Variants in PRAG1 observed in about 807,000 individuals in gnomAD.
The protein encoded by PRAG1 is PEAK1 related, kinase-activating pseudokinase 1, also known as inactive tyrosine-protein kinase PRAG1.
In PRAG1, 110 loss-of-function variants were observed where a neutral mutation model predicts 95.6. That is an observed-to-expected ratio of 1.15 (90% CI 0.99 to 1.35). PRAG1 has a LOEUF of 1.35. Ranked by LOEUF, PRAG1 falls within the 40% of genes most tolerant of loss-of-function variation. The pLI is 0.00. For missense variants in PRAG1, 2,554 were observed against 1,864.7 expected, an observed-to-expected ratio of 1.37 and a Z score of -6.81; for synonymous variants, 1,052 against 819.4, an observed-to-expected ratio of 1.28 and a Z score of -4.85.
intron 4 of PRAG1, among the ~76,000 whole-genome samples, chr8:8,331,632 C>A (rs1193763983): frequency 2.0e-5 from 3 of 152,134 alleles, no homozygotes; most frequent in Admixed American, 2.0e-4. Context: ...TGTGAGGAGA[C>A]CAGGGATCTT....
intron 3 of PRAG1, among the ~76,000 whole-genome samples, chr8:8,353,051 A>T (rs1799574873): frequency 6.6e-6 from 1 of 152,266 alleles, no homozygotes; most frequent in African/African-American, 2.4e-5. Context: ...CAAACATTAA[A>T]GTATCTAAAT....
chr8:8,336,468 G>A (rs935091821), intron 4 of PRAG1, among the ~76,000 whole-genome samples: 3 of 152,142 alleles, frequency 2.0e-5, no homozygotes, highest in African/African-American at 7.2e-5. Context: ...CAACTGCTTC[G>A]ACAAATTTTC....
intron 3 of PRAG1, among the ~76,000 whole-genome samples, chr8:8,374,198 A>T (rs895296671): frequency 6.6e-6 from 1 of 152,228 alleles, no homozygotes; most frequent in African/African-American, 2.4e-5. Flanking sequence ...TTTAGAGAAG[A>T]GACTCCAGAC....
intron 3 of PRAG1, among the ~76,000 whole-genome samples, chr8:8,353,199 G>C (rs1225773095): frequency 1.3e-5 from 2 of 152,152 alleles, no homozygotes; most frequent in Non-Finnish European, 2.9e-5. Flanking sequence ...CTGGAATTAA[G>C]CTTTAGACCA....
Position 8,318,169 on chromosome 8 carries a change from G to C in PRAG1, c.4206C>G (p.Leu1402=). The change falls in exon 6 of 6, where the codon CTC becomes CTG. Residue 1402 remains leucine, a synonymous_variant. Transcript: ENST00000615670. The surrounding 1 kb of genome is among the most constrained non-coding windows in gnomAD (Gnocchi z 4.2). ...GGGGCTTGGCTCACAGAAGCTGCAG[G>C]AGCTTCAGCGACTGTAAGAGGGCCC... is the stretch of plus-strand genomic sequence containing the variant. The part of the protein sequence containing the change: ...EPGALLQSLK[L]LQLL 6.2e-7 allele frequency: 1 copy of C among 1,613,176 alleles called. No homozygotes were observed. The highest frequency in any genetic ancestry group is 8.5e-7 in the Non-Finnish European group (1 of 1,179,568).
At chr8:8,375,443 G>A (rs1301298357) in intron 3 of PRAG1, among the ~76,000 whole-genome samples, 2 of 151,904 alleles carry the variant, frequency 1.3e-5, no homozygotes, top group Non-Finnish European at 2.9e-5. Flanking sequence ...ATCGTGATCC[G>A]CCCGCCTCGG....
Position 8,377,759 on chromosome 8 carries a change from G to C in PRAG1, c.650C>G (p.Thr217Ser), listed in dbSNP as rs1800473095. 2 of 1,614,150 alleles carry C rather than the reference G, an allele frequency of 1.2e-6. No individual in the cohort carries two copies. Among genetic ancestry groups the C allele is most frequent in the Non-Finnish European group, 1.7e-6 (2 of 1,180,040 alleles). Residue 217 changes from threonine (T) to serine (S), a missense_variant, in exon 3 of 6, where the codon ACC becomes AGC. Thr to Ser is a moderately conservative substitution (Grantham distance 58). Coordinates refer to ENST00000615670, the MANE Select transcript of PRAG1 (RefSeq NM_001080826.3). The stretch of plus-strand genomic sequence containing the variant: ...AGGGCCCTGGTGACAGCCAGATGTG[G>C]TCCCAGCAAAGGCAGCCAGTTTCTG... The part of the protein sequence containing the change: ...FRQKLAAFAG[T>S]TSGCHQGPGP...
chr8:8,318,835 G>A lies in PRAG1; in HGVS notation c.3540C>T (p.Pro1180=). 1 of 1,319,126 alleles carries A rather than the reference G, an allele frequency of 7.6e-7. No homozygotes were observed. Among genetic ancestry groups the A allele is most frequent in the Non-Finnish European group, 9.7e-7 (1 of 1,034,054 alleles). The allele number at this position is 1,319,126 out of a possible 1,614,324, so 81.7% of individuals were successfully genotyped here. A position where few individuals can be genotyped will look rare whatever the true frequency, so the allele number is the denominator to read the frequency against. Residue 1180 remains proline (P), a synonymous_variant, in exon 6 of 6, where the codon CCC becomes CCT. Transcript: ENST00000615670. The surrounding 1 kb of genome is among the most constrained non-coding windows in gnomAD (Gnocchi z 4.2). ...CAGCAGGCGGGGCGGCAGAGGAGCA[G>A]GGAGGCGCGGCGGCGGCGGGGGCGG... is the stretch of plus-strand genomic sequence containing the variant. ...PAPAPAAAAP[P]CSSAAPPAGG... is the part of the protein sequence containing the mutation.
Position 8,319,024 on chromosome 8 carries a change from C to G in PRAG1, c.3351G>C (p.Ala1117=). The change falls in exon 6 of 6, where the codon GCG becomes GCC. Residue 1117 remains alanine, a synonymous_variant. Coordinates refer to ENST00000615670, the MANE Select transcript of PRAG1 (RefSeq NM_001080826.3). The part of the protein sequence containing the change: ...SAASHQAEPE[A]YERRVCFLLL... ...GCAGGAAGCACACGCGCCGCTCGTA[C>G]GCCTCGGGCTCCGCCTGGTGGCTGG... The G allele has an allele frequency of 6.2e-7, 1 of 1,613,284 alleles. No individual in the cohort carries two copies. The highest frequency in any genetic ancestry group is 8.5e-7 in the Non-Finnish European group (1 of 1,179,832).
chr8:8,335,444 G>A (rs60027965), intron 4 of PRAG1, among the ~76,000 whole-genome samples: 17,287 of 152,084 alleles, frequency 0.11, 1,091 homozygotes, highest in African/African-American at 0.13. Context: ...CACATTTTTG[G>A]GATGATACAG....
intron 5 of PRAG1, among the ~76,000 whole-genome samples, chr8:8,327,177 G>C (rs1798657770): frequency 6.6e-6 from 1 of 152,162 alleles, no homozygotes; most frequent in African/African-American, 2.4e-5. Context: ...TCTTAACTCA[G>C]CTAAAGCACA....
intron 3 of PRAG1, among the ~76,000 whole-genome samples, chr8:8,346,148 A>ATAACAAGT (rs1292421947): frequency 6.6e-6 from 1 of 152,210 alleles, no homozygotes; most frequent in Non-Finnish European, 1.5e-5. Context: ...AAGACTACTT[A>ATAACAAGT]GCCTTTTTTA....
rs36037685 is a variant in PRAG1 at position 8,366,313 on chromosome 8, C to CTT, written c.2162+9932_2162+9933dup. Among the ~76,000 whole-genome samples, 193 of 133,962 alleles carry CTT rather than the reference C, an allele frequency of 1.4e-3. 1 individual carries two copies. The highest frequency in any genetic ancestry group is 2.9e-3 in the African/African-American group (105 of 36,112). The allele number at this position is 133,962 out of a possible 152,430, so 87.9% of individuals were successfully genotyped here. A position where few individuals can be genotyped will look rare whatever the true frequency, so the allele number is the denominator to read the frequency against. On this transcript the variant is annotated intron_variant, in intron 3 of 5. Transcript: ENST00000615670. The stretch of plus-strand genomic sequence containing the variant: ...CCTACCACCCAAAGGCATGGGAATT[C>CTT]TTTTTTTTTTTTTTTTTGAGACGGA...
chr8:8,366,416 C>T (rs1029085665), intron 3 of PRAG1, among the ~76,000 whole-genome samples: 1 of 151,432 alleles, frequency 6.6e-6, no homozygotes, highest in African/African-American at 2.4e-5. Context: ...CGGGTTCAAG[C>T]AATTCTTCTG....
At chr8:8,384,695 G>C (rs1463067013) in intron 1 of PRAG1, among the ~76,000 whole-genome samples, 1 of 151,692 alleles carries the variant, frequency 6.6e-6, no homozygotes, top group Admixed American at 6.6e-5. Flanking sequence ...GTAAAAGATG[G>C]TGAGAAACAC....
chr8:8,382,489 C>T (rs991514106), intron 1 of PRAG1, among the ~76,000 whole-genome samples: 2 of 152,118 alleles, frequency 1.3e-5, no homozygotes, highest in African/African-American at 2.4e-5. Flanking sequence ...ATTACTTGAC[C>T]GTGTGCTGCT....
intron 5 of PRAG1, among the ~76,000 whole-genome samples, chr8:8,319,971 A>C (rs4840922): frequency 0.52 from 78,397 of 151,952 alleles, 20,430 homozygotes; most frequent in East Asian, 0.57. Context: ...GAAATGGGAA[A>C]CCTCAGACAT....
chr8:8,343,900 G>T (rs963269451), intron 3 of PRAG1, among the ~76,000 whole-genome samples: 3 of 151,690 alleles, frequency 2.0e-5, no homozygotes, highest in South Asian at 2.1e-4. Context: ...AAGTTTTCTG[G>T]TAACCACATT....
In PRAG1 at chr8:8,381,739, C is replaced by T. The variant is rs780018974; in HGVS notation, c.9G>A (p.Gln3=). 6.3e-7 allele frequency: 1 copy of T among 1,585,244 alleles called. No homozygotes were observed. Among genetic ancestry groups the T allele is most frequent in the Non-Finnish European group, 8.6e-7 (1 of 1,161,688 alleles). The change falls in exon 2 of 6, where the codon CAG becomes CAA. Residue 3 remains glutamine, a synonymous_variant. Coordinates refer to ENST00000615670, the MANE Select transcript of PRAG1 (RefSeq NM_001080826.3). The stretch of plus-strand genomic sequence containing the variant: ...GGCTCTCGGGGTTCAGGCAGAGGGT[C>T]TGGTGCATCTTGAGCCGACAGGGTG... MH[Q]TLCLNPESLK...
Sources: allele counts gnomAD v4.1 joint callset (sites outside exome capture counted in the v4.1 genomes callset), GRCh38; gene constraint gnomAD v4.1.1; non-coding constraint Gnocchi (gnomAD v3.1); transcripts MANE v1.5; gene names NCBI Gene and HGNC (gene_info 2026-07-23, HGNC 2026-07-21).